PCSK5: variants seen among roughly 807,000 people sequenced by gnomAD.
The protein encoded by PCSK5 is proprotein convertase subtilisin/kexin type 5.
In PCSK5, 129 loss-of-function variants were observed where a neutral mutation model predicts 233.2. The ratio of observed to expected loss-of-function variants is 0.55; its 90% CI spans 0.48 to 0.64. PCSK5 has a LOEUF of 0.64. Ranked by LOEUF, PCSK5 falls within the 30% of genes least tolerant of loss-of-function variation. The probability of loss-of-function intolerance (pLI) is 0.00; values close to 1 mark genes in which losing one functional copy is unlikely to be tolerated. For missense variants in PCSK5, 2,076 were observed against 2,430.1 expected (o/e 0.85, Z 3.06); for synonymous variants, 825 against 879.2 (o/e 0.94, Z 1.09).
chr9:76,214,167 G>C (rs985039659), intron 20 of PCSK5, among the ~76,000 whole-genome samples: 1 of 152,086 alleles, frequency 6.6e-6, no homozygotes, highest in Non-Finnish European at 1.5e-5. Flanking sequence ...ATCCCACAAA[G>C]GGTAGAAAGT....
Position 76,310,658 on chromosome 9 carries a change from G to T in PCSK5, c.3691G>T (p.Ala1231Ser). The part of the protein sequence containing the change: ...ATLCTSCPKG[A>S]YLLAQACVSS... The stretch of plus-strand genomic sequence containing the variant: ...TTCCCTCTTCCCTGAATTTCTAGGT[G>T]CATATCTTCTGGCTCAGGCCTGTGT... Residue 1231 changes from alanine to serine, a missense_variant and splice_region_variant, in exon 30 of 38, where the codon GCA (alanine) becomes TCA (serine). By Grantham distance (99) the Ala-to-Ser change is moderately conservative. Transcript: ENST00000674117. The T allele has an allele frequency of 5.1e-6, 8 of 1,562,566 alleles. No individual in the cohort carries two copies. The highest frequency in any genetic ancestry group is 4.3e-6 in the Non-Finnish European group (5 of 1,158,030).
rs967257730 is a variant in PCSK5 at position 76,269,999 on chromosome 9, T to A, written c.3143-22234T>A. 1.2e-4 allele frequency among the ~76,000 whole-genome samples: 18 copies of A among 152,226 alleles called. No homozygotes were observed. The South Asian group carries it at 3.7e-3, about 32-fold the overall frequency. On this transcript the variant is annotated intron_variant, in intron 24 of 37. Coordinates refer to ENST00000674117, the MANE Select transcript of PCSK5 (RefSeq NM_001372043.1). ...TATGCCTGATGATGAATAGGCAGAT[T>A]CTTTCAAAATATTTTTTTAAAAATA...
At chr9:75,930,602 G>T (rs1211806023) in intron 1 of PCSK5, among the ~76,000 whole-genome samples, 12 of 152,274 alleles carry the variant, frequency 7.9e-5, no homozygotes, top group Admixed American at 6.5e-4. Context: ...TTAGGCAGGG[G>T]TAGGCCATAG....
At chr9:76,296,911 T>C in intron 27 of PCSK5, 46 bp downstream of exon 27, 1 of 1,200,422 alleles carries the variant, frequency 8.3e-7, no homozygotes, top group Non-Finnish European at 1.2e-6. Context: ...AGCGACCTAC[T>C]CTGCTTCCCT....
At chr9:75,915,615 T>C (rs1822953671) in intron 1 of PCSK5, among the ~76,000 whole-genome samples, 1 of 152,202 alleles carries the variant, frequency 6.6e-6, no homozygotes, top group Non-Finnish European at 1.5e-5. Flanking sequence ...ATTTGAACAA[T>C]GCAAATAAAA....
intron 9 of PCSK5, among the ~76,000 whole-genome samples, chr9:76,124,710 G>A (rs1000117584): frequency 1.2e-4 from 16 of 130,728 alleles, no homozygotes; most frequent in African/African-American, 4.8e-4. Flanking sequence ...TCATACCACT[G>A]CACTCCAGCC....
intron 17 of PCSK5, among the ~76,000 whole-genome samples, chr9:76,188,141 A>G (rs535884766): frequency 6.6e-6 from 1 of 152,328 alleles, no homozygotes; most frequent in African/African-American, 2.4e-5. Context: ...TCATTGTACC[A>G]TGTGTTCCTA....
chr9:75,987,943 A>G (rs1587463365), intron 3 of PCSK5, among the ~76,000 whole-genome samples: 1 of 152,218 alleles, frequency 6.6e-6, no homozygotes, highest in African/African-American at 2.4e-5. Flanking sequence ...TCCACTGGAC[A>G]GTAGAACTAT....
intron 2 of PCSK5, among the ~76,000 whole-genome samples, chr9:75,971,300 A>G (rs562624483): frequency 1.2e-3 from 181 of 152,240 alleles, no homozygotes; most frequent in African/African-American, 4.1e-3. Flanking sequence ...TCCATGGTGT[A>G]TATGTACCAT....
intron 5 of PCSK5, among the ~76,000 whole-genome samples, chr9:76,053,596 A>G (rs1829713117): frequency 6.6e-6 from 1 of 152,176 alleles, no homozygotes; most frequent in Non-Finnish European, 1.5e-5. Flanking sequence ...GCAGGATGAA[A>G]ATACCACAGT....
chr9:76,295,668 G>A (rs74672299), intron 26 of PCSK5, among the ~76,000 whole-genome samples: 2,732 of 152,284 alleles, frequency 0.018, 71 homozygotes, highest in African/African-American at 0.063. Context: ...GGCTGAATTG[G>A]ATGGAGATAG....
chr9:76,245,274 G>A (rs981872671), intron 24 of PCSK5, among the ~76,000 whole-genome samples: 6 of 152,182 alleles, frequency 3.9e-5, no homozygotes, highest in East Asian at 3.9e-4. Context: ...AAAATGTATC[G>A]GTATTTGCAG....
At chr9:76,274,715 G>C (rs934815518) in intron 24 of PCSK5, among the ~76,000 whole-genome samples, 6 of 152,016 alleles carry the variant, frequency 3.9e-5, no homozygotes, top group Non-Finnish European at 8.8e-5. Flanking sequence ...TTCTCAAAGG[G>C]GTTTTTTTGT....
intron 7 of PCSK5, among the ~76,000 whole-genome samples, chr9:76,083,081 C>T (rs1029051489): frequency 1.3e-5 from 2 of 151,696 alleles, no homozygotes; most frequent in South Asian, 4.2e-4. Context: ...TGGTGGTGCA[C>T]GCCTATAATC....
At chr9:76,176,945 C>A (rs1412772551) in intron 14 of PCSK5, among the ~76,000 whole-genome samples, 2 of 152,162 alleles carry the variant, frequency 1.3e-5, no homozygotes, top group Admixed American at 1.3e-4. Flanking sequence ...GCATTCAATC[C>A]TTCTAAGATA....
intron 11 of PCSK5, among the ~76,000 whole-genome samples, chr9:76,157,401 C>T (rs1822635058): frequency 6.6e-6 from 1 of 152,184 alleles, no homozygotes; most frequent in African/African-American, 2.4e-5. Context: ...GATATGCTTA[C>T]CCCTGGGCTC....
chr9:75,952,227 T>C (rs991021293), intron 2 of PCSK5, among the ~76,000 whole-genome samples: 13 of 152,234 alleles, frequency 8.5e-5, no homozygotes, highest in African/African-American at 2.9e-4. Context: ...GTTTATGCTT[T>C]TTCTTCTTTT....
chr9:75,960,907 G>A (rs1825325303), intron 2 of PCSK5, among the ~76,000 whole-genome samples: 1 of 152,164 alleles, frequency 6.6e-6, no homozygotes, highest in Non-Finnish European at 1.5e-5. Flanking sequence ...CCTGTACAGT[G>A]ATGAAGAAGG....
intron 5 of PCSK5, among the ~76,000 whole-genome samples, chr9:76,039,539 A>G (rs1057323007): frequency 1.3e-5 from 2 of 152,232 alleles, no homozygotes; most frequent in Non-Finnish European, 2.9e-5. Context: ...AGTAACTGCT[A>G]GGTAAATTGT....
Sources: allele counts gnomAD v4.1 joint callset (sites outside exome capture counted in the v4.1 genomes callset), GRCh38; gene constraint gnomAD v4.1.1; transcripts MANE v1.5; gene names NCBI Gene and HGNC (gene_info 2026-07-23, HGNC 2026-07-21).